SDCCAG8: variants seen among roughly 807,000 people sequenced by gnomAD.
The protein encoded by SDCCAG8 is serologically defined colon cancer antigen 8.
In SDCCAG8, 74 loss-of-function variants were observed where a neutral mutation model predicts 101.8. That is an observed-to-expected ratio of 0.73 (90% CI 0.60 to 0.88). SDCCAG8 has a LOEUF of 0.88. Ranked by LOEUF, SDCCAG8 falls within the 40% of genes least tolerant of loss-of-function variation. SDCCAG8 has a pLI of 0.00. For missense variants in SDCCAG8, 787 were observed against 822.6 expected, an observed-to-expected ratio of 0.96 and a Z score of 0.53; for synonymous variants, 281 against 292.9, an observed-to-expected ratio of 0.96 and a Z score of 0.41.
intron 8 of SDCCAG8, among the ~76,000 whole-genome samples, chr1:243,314,405 G>A (rs1438051440): frequency 6.6e-6 from 1 of 152,220 alleles, no homozygotes; most frequent in Admixed American, 6.5e-5. Context: ...CAGAACGACT[G>A]AACTCTAGTT....
At chr1:243,495,475 G>C (rs978268296) in intron 17 of SDCCAG8, among the ~76,000 whole-genome samples, 1 of 152,202 alleles carries the variant, frequency 6.6e-6, no homozygotes, top group East Asian at 1.9e-4. Context: ...GGCCCAGCCG[G>C]GCAGCCAGGA....
At chr1:243,358,490 G>T (rs1357021297) in intron 12 of SDCCAG8, among the ~76,000 whole-genome samples, 2 of 152,090 alleles carry the variant, frequency 1.3e-5, no homozygotes, top group Admixed American at 1.3e-4. Flanking sequence ...AGAGAAACTG[G>T]AACTCCCCCA....
At chr1:243,339,721 T>G (rs2075275039) in intron 10 of SDCCAG8, among the ~76,000 whole-genome samples, 1 of 152,222 alleles carries the variant, frequency 6.6e-6, no homozygotes, top group Non-Finnish European at 1.5e-5. Context: ...CTTCGTTTTA[T>G]TGATGTCAGG....
intron 10 of SDCCAG8, 43 bp downstream of exon 10, chr1:243,330,735 T>C (rs2074527301): frequency 6.2e-7 from 1 of 1,600,146 alleles, no homozygotes; most frequent in South Asian, 1.1e-5. Flanking sequence ...AGAAGAAAGG[T>C]TTTTTATGAT....
intron 16 of SDCCAG8, among the ~76,000 whole-genome samples, chr1:243,482,613 C>G (rs758518249): frequency 6.6e-6 from 1 of 152,164 alleles, no homozygotes; most frequent in Non-Finnish European, 1.5e-5. Flanking sequence ...TTAGGACGGC[C>G]GCACCAGCCT....
intron 12 of SDCCAG8, among the ~76,000 whole-genome samples, chr1:243,355,744 C>T (rs1486598191): frequency 6.6e-6 from 1 of 152,066 alleles, no homozygotes; most frequent in Non-Finnish European, 1.5e-5. Flanking sequence ...TAGCTGGGAC[C>T]ACAGGTGCAT....
chr1:243,403,947 A>G (rs1437179332), intron 13 of SDCCAG8, among the ~76,000 whole-genome samples: 1 of 152,216 alleles, frequency 6.6e-6, no homozygotes, highest in African/African-American at 2.4e-5. Context: ...ATTGTTTTCC[A>G]TGAAACCAGT....
At chr1:243,467,598 C>T (rs1660400690) in intron 16 of SDCCAG8, among the ~76,000 whole-genome samples, 1 of 152,242 alleles carries the variant, frequency 6.6e-6, no homozygotes, top group Non-Finnish European at 1.5e-5. Context: ...TGATCAGGAA[C>T]CTCCAAATGT....
At chr1:243,386,636 C>T (rs574078471) in intron 13 of SDCCAG8, among the ~76,000 whole-genome samples, 7 of 152,166 alleles carry the variant, frequency 4.6e-5, no homozygotes, top group African/African-American at 1.4e-4. Context: ...GTCCGTAGTC[C>T]CAGCTACTCA....
Position 243,474,346 on chromosome 1 carries a change from C to G in SDCCAG8, c.1986-14668C>G, listed in dbSNP as rs1312410565. ...AAAGTCCAGAGGCCCTGCGAGCCCC[C>G]GTGGAGTCGCCTGAGCCAGATGCTC... On this transcript the variant is annotated intron_variant, in intron 16 of 17. Transcript: ENST00000366541. This position sits in a 1 kb window ranked among gnomAD's most constrained non-coding sequence, Gnocchi z 4.7. Among the ~76,000 whole-genome samples, 1 of 152,126 alleles carries G rather than the reference C, an allele frequency of 6.6e-6. No individual in the cohort carries two copies. Among genetic ancestry groups the G allele is most frequent in the African/African-American group, 2.4e-5 (1 of 41,434 alleles).
intron 12 of SDCCAG8, among the ~76,000 whole-genome samples, chr1:243,365,091 T>A (rs749817428): frequency 6.6e-6 from 1 of 152,148 alleles, no homozygotes; most frequent in African/African-American, 2.4e-5. Context: ...TATTCCACAT[T>A]TGAAGGGAAA....
At chr1:243,356,182 A>G (rs2783961) in intron 12 of SDCCAG8, among the ~76,000 whole-genome samples, 138,598 of 152,202 alleles carry the variant, frequency 0.91, 64,545 homozygotes, top group East Asian at 1. Context: ...TAACGAATAC[A>G]TCAAATATCT....
chr1:243,360,958 C>G (rs998777275), intron 12 of SDCCAG8, among the ~76,000 whole-genome samples: 1 of 152,200 alleles, frequency 6.6e-6, no homozygotes, highest in Non-Finnish European at 1.5e-5. Context: ...CCTCATGGCA[C>G]GCATCTGCTG....
At chr1:243,428,891 G>T (rs752871505) in intron 16 of SDCCAG8, among the ~76,000 whole-genome samples, 21 of 152,204 alleles carry the variant, frequency 1.4e-4, no homozygotes, top group Non-Finnish European at 2.6e-4. Context: ...CACTGAAAAC[G>T]CTGTGTGGAC....
chr1:243,354,824 C>CT (rs2076293496), intron 12 of SDCCAG8, among the ~76,000 whole-genome samples: 1 of 152,158 alleles, frequency 6.6e-6, no homozygotes, highest in Admixed American at 6.5e-5. Context: ...TCTGGGAGTT[C>CT]TTTTTAAAAT....
intron 16 of SDCCAG8, among the ~76,000 whole-genome samples, chr1:243,440,623 T>C (rs71652486): frequency 0.036 from 5,450 of 152,274 alleles, 146 homozygotes; most frequent in Non-Finnish European, 0.054. Context: ...TTGTGCACTT[T>C]TGATGTTGCA....
chr1:243,403,033 T>G (rs2079512588), intron 13 of SDCCAG8, among the ~76,000 whole-genome samples: 1 of 152,216 alleles, frequency 6.6e-6, no homozygotes, highest in South Asian at 2.1e-4. Flanking sequence ...TGAAAATAAA[T>G]TTGACAGTTA....
At chr1:243,430,140 A>G (rs1364508958) in intron 16 of SDCCAG8, among the ~76,000 whole-genome samples, 1 of 152,076 alleles carries the variant, frequency 6.6e-6, no homozygotes, top group Non-Finnish European at 1.5e-5. Flanking sequence ...CCAGCAGGGC[A>G]CTTAACATTG....
At chr1:243,361,833 G>GT (rs945248737) in intron 12 of SDCCAG8, among the ~76,000 whole-genome samples, 2 of 152,156 alleles carry the variant, frequency 1.3e-5, no homozygotes, top group African/African-American at 4.8e-5. Context: ...CTTATTATAA[G>GT]TTTTTTATTA....
Sources: allele counts gnomAD v4.1 joint callset (sites outside exome capture counted in the v4.1 genomes callset), GRCh38; gene constraint gnomAD v4.1.1; non-coding constraint Gnocchi (gnomAD v3.1); transcripts MANE v1.5; gene names NCBI Gene and HGNC (gene_info 2026-07-23, HGNC 2026-07-21).